The following RASEF variants were observed in gnomAD, a reference collection of about 807,000 sequenced individuals.
RASEF encodes the protein ras and EF-hand domain-containing protein.
In RASEF, 68 loss-of-function variants were observed where a neutral mutation model predicts 90.1. That is an observed-to-expected ratio of 0.75 (90% CI 0.62 to 0.92). The LOEUF is 0.92. RASEF is among the 40% of genes least tolerant of loss of function. The pLI is 0.00. For missense variants in RASEF, 949 were observed against 937.2 expected (o/e 1.01, Z -0.16); for synonymous variants, 331 against 345.2 (o/e 0.96, Z 0.46).
At chr9:82,996,918 C>G (rs1828931428) in intron 14 of RASEF, 94 bp downstream of exon 14, 1 of 731,432 alleles carries the variant, frequency 1.4e-6, no homozygotes, top group African/African-American at 1.7e-5. Flanking sequence ...GGTTCCTAAT[C>G]AAGTTCATTC....
chr9:83,196,626 A>G, the RASEF span, among the ~76,000 whole-genome samples: 1 of 152,174 alleles, frequency 6.6e-6, no homozygotes, highest in Non-Finnish European at 1.5e-5. Context: ...TTTGTGTCCT[A>G]TGAGTCTGAT....
chr9:83,006,819 C>T (rs561583075), intron 7 of RASEF, among the ~76,000 whole-genome samples: 84 of 152,178 alleles, frequency 5.5e-4, no homozygotes, highest in African/African-American at 1.9e-3. Flanking sequence ...ACGGGCCGGG[C>T]GTGGTGGCTC....
the RASEF span, among the ~76,000 whole-genome samples, chr9:83,157,941 A>C: frequency 6.6e-6 from 1 of 152,334 alleles, no homozygotes; most frequent in African/African-American, 2.4e-5. Flanking sequence ...ATTTAATATA[A>C]TAGTTATTGC....
the RASEF span, among the ~76,000 whole-genome samples, chr9:83,195,457 G>A: frequency 1.3e-5 from 2 of 152,120 alleles, no homozygotes; most frequent in East Asian, 1.9e-4. Flanking sequence ...GCCCACTGTG[G>A]CCATGCTGCT....
intron 16 of RASEF, 50 bp from the exon 17 acceptor site, chr9:82,982,832 AG>A: frequency 5.0e-6 from 5 of 998,060 alleles, no homozygotes; most frequent in African/African-American, 1.7e-5. Context: ...AGAGAGAGAG[AG>A]GATTACTGAG....
At chr9:83,081,602 T>C in the RASEF span, among the ~76,000 whole-genome samples, 8 of 152,222 alleles carry the variant, frequency 5.3e-5, no homozygotes, top group Non-Finnish European at 1.0e-4. Context: ...AGGTTTTATA[T>C]ATCTTGTAAT....
At chr9:83,004,138 T>A (rs1829087183) in intron 9 of RASEF, among the ~76,000 whole-genome samples, 1 of 152,156 alleles carries the variant, frequency 6.6e-6, no homozygotes, top group African/African-American at 2.4e-5. Context: ...TATTTACAGA[T>A]CATGCCAATA....
At chr9:83,118,428 C>T in the RASEF span, among the ~76,000 whole-genome samples, 2 of 152,170 alleles carry the variant, frequency 1.3e-5, no homozygotes, top group Non-Finnish European at 2.9e-5. Context: ...TATGGATCAA[C>T]TTTCGGATGA....
At chr9:83,122,431 C>T in the RASEF span, among the ~76,000 whole-genome samples, 1 of 152,180 alleles carries the variant, frequency 6.6e-6, no homozygotes, top group Non-Finnish European at 1.5e-5. Context: ...GTAAGCAGCT[C>T]AGCCAAAGGA....
At chr9:83,036,824 T>C (rs979948088) in intron 1 of RASEF, among the ~76,000 whole-genome samples, 2 of 152,146 alleles carry the variant, frequency 1.3e-5, no homozygotes, top group African/African-American at 4.8e-5. Context: ...CAAAGCAAGA[T>C]ATTAATAAAT....
chr9:83,175,346 G>A, the RASEF span, among the ~76,000 whole-genome samples: 1 of 151,988 alleles, frequency 6.6e-6, no homozygotes, highest in African/African-American at 2.4e-5. Flanking sequence ...TTGTTTTTCT[G>A]CATCTATAGA....
intron 1 of RASEF, among the ~76,000 whole-genome samples, chr9:83,033,475 A>G (rs1376751320): frequency 6.6e-6 from 1 of 152,240 alleles, no homozygotes; most frequent in Non-Finnish European, 1.5e-5. Flanking sequence ...ACAGGCATCA[A>G]TAGCCACAGG....
chr9:83,105,761 G>A, the RASEF span, among the ~76,000 whole-genome samples: 5 of 152,320 alleles, frequency 3.3e-5, no homozygotes, highest in African/African-American at 1.2e-4. Flanking sequence ...CTAATGCCAA[G>A]TGGGCATAAT....
upstream of RASEF, chr9:83,063,246 C>T (rs971401156): frequency 4.6e-6 from 1 of 216,924 alleles, no homozygotes; most frequent in African/African-American, 2.3e-5. Flanking sequence ...GTTCCCACGC[C>T]CCGGAGTCCA....
At chr9:83,006,513 A>T (rs1435278568) in intron 7 of RASEF, among the ~76,000 whole-genome samples, 1 of 152,170 alleles carries the variant, frequency 6.6e-6, no homozygotes, top group Non-Finnish European at 1.5e-5. Flanking sequence ...ATGGTGAAAA[A>T]AAAAAAGGTC....
chr9:83,005,373 C>G, intron 8 of RASEF, 43 bp downstream of exon 8: 2 of 1,380,044 alleles, frequency 1.4e-6, no homozygotes, highest in Non-Finnish European at 1.0e-6. Flanking sequence ...AAATACTCCA[C>G]CACTAGAAAG....
chr9:83,049,414 G>T, intron 1 of RASEF: 1 of 799,228 alleles, frequency 1.3e-6, no homozygotes, highest in Non-Finnish European at 1.5e-6. Context: ...ATGATCAAAA[G>T]CCCATTCTCC....
the RASEF span, among the ~76,000 whole-genome samples, chr9:83,143,431 T>A: frequency 6.6e-6 from 1 of 151,988 alleles, no homozygotes; most frequent in East Asian, 1.9e-4. Flanking sequence ...AATAGACACG[T>A]CTCAAAAGAA....
the RASEF span, among the ~76,000 whole-genome samples, chr9:83,214,972 C>T: frequency 6.6e-6 from 1 of 151,804 alleles, no homozygotes; most frequent in South Asian, 2.1e-4. Flanking sequence ...CTATCCTGTA[C>T]CCATATAAAC....
Sources: gnomAD v4.1 joint callset for allele counts (sites outside exome capture counted in the v4.1 genomes callset) on GRCh38, gnomAD v4.1.1 for gene constraint, MANE v1.5 for transcripts, NCBI Gene and HGNC (gene_info 2026-07-23, HGNC 2026-07-21) for gene names.